PRKG1: variants seen among roughly 807,000 people sequenced by gnomAD.
PRKG1 encodes the protein protein kinase cGMP-dependent 1, also known as cGMP-dependent protein kinase 1.
In PRKG1, 35 loss-of-function variants were observed where a neutral mutation model predicts 88.1. The observed-to-expected ratio is 0.40, with a 90% CI of 0.30 to 0.53. The LOEUF is 0.53. PRKG1 is among the 20% of genes least tolerant of loss of function. The pLI is 0.59. For synonymous variants in PRKG1, 303 were observed against 292.5 expected (o/e 1.04, Z -0.37); for missense variants, 540 against 839.8 (o/e 0.64, Z 4.41).
chr10:52,188,373 G>C (rs1346814539), intron 9 of PRKG1, among the ~76,000 whole-genome samples: 1 of 146,746 alleles, frequency 6.8e-6, no homozygotes, highest in Non-Finnish European at 1.5e-5. Context: ...TTTTGAGATG[G>C]GGTCTCAGTC....
intron 3 of PRKG1, among the ~76,000 whole-genome samples, chr10:51,776,777 G>A (rs920614132): frequency 6.6e-6 from 1 of 152,024 alleles, no homozygotes; most frequent in African/African-American, 2.4e-5. Flanking sequence ...GTGAGCTGAG[G>A]TGGCCCCACT....
intron 3 of PRKG1, among the ~76,000 whole-genome samples, chr10:51,486,521 G>T (rs1007492797): frequency 1.3e-5 from 2 of 152,098 alleles, no homozygotes; most frequent in African/African-American, 4.8e-5. Flanking sequence ...TTTGCCAAAG[G>T]TTTGATTGGA....
At chr10:51,208,654 A>C (rs1838130224) in intron 2 of PRKG1, among the ~76,000 whole-genome samples, 1 of 152,184 alleles carries the variant, frequency 6.6e-6, no homozygotes, top group East Asian at 1.9e-4. Flanking sequence ...ACCAAAAAGA[A>C]ATTGATCATG....
intron 2 of PRKG1, among the ~76,000 whole-genome samples, chr10:51,285,583 G>A (rs1309511101): frequency 1.3e-5 from 2 of 152,140 alleles, no homozygotes; most frequent in African/African-American, 4.8e-5. Flanking sequence ...TAGGTTGTAG[G>A]AGACGACTTG....
At chr10:51,298,615 A>G (rs1840785721) in intron 2 of PRKG1, among the ~76,000 whole-genome samples, 2 of 152,204 alleles carry the variant, frequency 1.3e-5, no homozygotes, top group African/African-American at 2.4e-5. Context: ...TATTTTATAA[A>G]ACTATAAGCC....
At chr10:51,156,480 A>T (rs1219856169) in intron 2 of PRKG1, among the ~76,000 whole-genome samples, 28 of 151,984 alleles carry the variant, frequency 1.8e-4, no homozygotes, top group Admixed American at 1.8e-3. Flanking sequence ...ACGTTATCTT[A>T]ATTATCCTTT....
chr10:51,739,689 T>A (rs966732660), intron 3 of PRKG1, among the ~76,000 whole-genome samples: 2 of 152,052 alleles, frequency 1.3e-5, no homozygotes, highest in African/African-American at 2.4e-5. Flanking sequence ...CAAAAACCAC[T>A]AGGCCAGGCG....
chr10:52,086,624 C>G (rs891363184), intron 7 of PRKG1, among the ~76,000 whole-genome samples: 1 of 151,994 alleles, frequency 6.6e-6, no homozygotes, highest in African/African-American at 2.4e-5. Context: ...AGGCTAGTCT[C>G]AAACTCCTGA....
intron 3 of PRKG1, among the ~76,000 whole-genome samples, chr10:51,608,800 C>G (rs1325342902): frequency 2.0e-5 from 3 of 152,130 alleles, no homozygotes; most frequent in Non-Finnish European, 4.4e-5. Flanking sequence ...TTGAAAAATT[C>G]TTACTGCCGG....
chr10:52,132,876 G>A (rs1589635114), intron 7 of PRKG1, among the ~76,000 whole-genome samples: 1 of 152,036 alleles, frequency 6.6e-6, no homozygotes, highest in East Asian at 1.9e-4. Flanking sequence ...TTTGATACAG[G>A]CATGCAATGT....
intron 4 of PRKG1, among the ~76,000 whole-genome samples, chr10:51,808,418 C>T (rs1839363699): frequency 2.0e-5 from 3 of 151,990 alleles, no homozygotes; most frequent in South Asian, 4.2e-4. Context: ...TCAACATGTG[C>T]AACCCTGTCT....
chr10:52,085,006 T>C (rs769283560), intron 7 of PRKG1, among the ~76,000 whole-genome samples: 1 of 152,050 alleles, frequency 6.6e-6, no homozygotes, highest in African/African-American at 2.4e-5. Context: ...CATGACTACA[T>C]TGAGGTTATG....
At chr10:51,194,236 G>A (rs1437010881) in intron 2 of PRKG1, among the ~76,000 whole-genome samples, 1 of 140,894 alleles carries the variant, frequency 7.1e-6, no homozygotes, top group Admixed American at 7.1e-5. Flanking sequence ...TTTTTTTTTA[G>A]TTTTTTTTTT....
intron 3 of PRKG1, among the ~76,000 whole-genome samples, chr10:51,672,390 A>AT (rs1168708348): frequency 6.6e-6 from 1 of 151,350 alleles, no homozygotes; most frequent in Non-Finnish European, 1.5e-5. Flanking sequence ...TTTTTAATTC[A>AT]TTTTTTATAA....
chr10:51,093,935 T>C (rs1407844794), intron 1 of PRKG1, among the ~76,000 whole-genome samples: 1 of 151,536 alleles, frequency 6.6e-6, no homozygotes, highest in Non-Finnish European at 1.5e-5. Context: ...TTGAGAGCAC[T>C]TAATTACCTG....
At chr10:51,241,567 C>A (rs1468982241) in intron 2 of PRKG1, among the ~76,000 whole-genome samples, 1 of 152,112 alleles carries the variant, frequency 6.6e-6, no homozygotes, top group African/African-American at 2.4e-5. Context: ...ACTGCTAATT[C>A]CTCCTAAGGC....
intron 2 of PRKG1, among the ~76,000 whole-genome samples, chr10:51,180,283 C>T (rs1282088312): frequency 6.6e-6 from 1 of 152,136 alleles, no homozygotes; most frequent in African/African-American, 2.4e-5. Flanking sequence ...GTAAGGGCTG[C>T]TTGGTTGGTT....
intron 4 of PRKG1, among the ~76,000 whole-genome samples, chr10:51,882,963 A>G (rs1163199322): frequency 3.3e-5 from 5 of 152,214 alleles, no homozygotes; most frequent in South Asian, 2.1e-4. Context: ...CTGGTAATAC[A>G]TTATGTCTGG....
intron 5 of PRKG1, among the ~76,000 whole-genome samples, chr10:51,990,676 C>G (rs1230829685): frequency 6.6e-6 from 1 of 151,880 alleles, no homozygotes; most frequent in Non-Finnish European, 1.5e-5. Context: ...GGTATTAAGC[C>G]TAGTTCTCAT....
Sources: gnomAD v4.1 joint callset for allele counts (sites outside exome capture counted in the v4.1 genomes callset) on GRCh38, gnomAD v4.1.1 for gene constraint, MANE v1.5 for transcripts, NCBI Gene and HGNC (gene_info 2026-07-23, HGNC 2026-07-21) for gene names.